XPO5: variants seen among roughly 807,000 people sequenced by gnomAD.
XPO5 encodes the protein exportin 5, also known as exportin-5.
A neutral mutation model predicts 160.6 loss-of-function variants in XPO5; 46 were observed. The observed-to-expected ratio is 0.29, with a 90% CI of 0.23 to 0.37. The LOEUF (loss-of-function observed/expected upper bound fraction) is 0.37, where lower values mean the gene tolerates loss of function less well. Among genes scored for constraint, XPO5 ranks in the 10% least tolerant of loss-of-function variants. XPO5 has a pLI of 1.00. For synonymous variants in XPO5, 537 were observed against 519.3 expected (o/e 1.03, Z -0.46); for missense variants, 1,090 against 1,463.9 (o/e 0.74, Z 4.17).
At chr6:43,571,998 A>C (rs1252236788) in intron 3 of XPO5, among the ~76,000 whole-genome samples, 1 of 152,228 alleles carries the variant, frequency 6.6e-6, no homozygotes, top group African/African-American at 2.4e-5. Context: ...TGTCTTTATA[A>C]TTTAAAAAAT....
intron 20 of XPO5, among the ~76,000 whole-genome samples, chr6:43,536,621 T>C (rs1265344436): frequency 6.6e-6 from 1 of 150,538 alleles, no homozygotes; most frequent in Non-Finnish European, 1.5e-5. Flanking sequence ...TAGCCAGGCA[T>C]GGTGGCACAC....
At chr6:43,529,106 T>C (rs1183952995) in intron 23 of XPO5, 181 bp from the exon 24 acceptor site, 3 of 1,081,630 alleles carry the variant, frequency 2.8e-6, no homozygotes, top group Non-Finnish European at 4.1e-6. Flanking sequence ...GCACTGATAT[T>C]GAATTCCATT....
chr6:43,560,155 A>C (rs571454240), intron 11 of XPO5, 23 bp downstream of exon 11: 18 of 1,607,646 alleles, frequency 1.1e-5, no homozygotes, highest in East Asian at 4.5e-5. Flanking sequence ...TACATTCCAC[A>C]TGTTTAGATT....
intron 20 of XPO5, among the ~76,000 whole-genome samples, chr6:43,545,606 C>T (rs968636244): frequency 3.3e-5 from 5 of 152,032 alleles, no homozygotes; most frequent in Non-Finnish European, 4.4e-5. Context: ...ACTTGGGTGG[C>T]TGAGGCAGAA....
At chr6:43,545,333 T>TCAC (rs1794909949) in intron 20 of XPO5, among the ~76,000 whole-genome samples, 1 of 152,182 alleles carries the variant, frequency 6.6e-6, no homozygotes, top group Admixed American at 6.5e-5. Context: ...ATAATTTGGT[T>TCAC]TGCCCCGTTG....
rs1793260321 is a variant in XPO5, at chr6:43,522,607, C to G, written c.*1261G>C. The stretch of plus-strand genomic sequence containing the variant: ...AGGAAGAGGGAGCAACACAAGACTC[C>G]CAACTTCTGCTTCCCCAGCTTTGCT... On this transcript the variant is annotated 3_prime_UTR_variant, in exon 32 of 32. Transcript: ENST00000265351. 1 of 380,700 alleles carries G rather than the reference C, an allele frequency of 2.6e-6. No individual in the cohort carries two copies. Among genetic ancestry groups the G allele is most frequent in the Non-Finnish European group, 5.8e-6 (1 of 171,924 alleles). 23.6% of individuals were successfully genotyped at this position (380,700 alleles called of 1,614,324 possible). A position where few individuals can be genotyped will look rare whatever the true frequency, so the allele number is the denominator to read the frequency against.
At chr6:43,557,668 C>T (rs1230618174) in intron 12 of XPO5, among the ~76,000 whole-genome samples, 1 of 148,288 alleles carries the variant, frequency 6.7e-6, no homozygotes, top group Non-Finnish European at 1.5e-5. Flanking sequence ...AAAATATAAT[C>T]TAAAATTGAT....
intron 2 of XPO5, 199 bp downstream of exon 2, chr6:43,573,281 A>G (rs561825897): frequency 1.7e-5 from 11 of 654,930 alleles, no homozygotes; most frequent in East Asian, 1.3e-4. Context: ...CACACTTTAC[A>G]TGGATGAAGA....
chr6:43,558,601 G>C lies in XPO5; in HGVS notation c.1222-10C>G, dbSNP rs1469278773. ...TAGAAGGAAAGCCCATCTGGAAAAA[G>C]AAAGGTAATTGGGGTAGGGGATGAA... is the stretch of plus-strand genomic sequence containing the variant. On this transcript the variant is annotated splice_polypyrimidine_tract_variant and intron_variant, in intron 11 of 31. Transcript: ENST00000265351. 1 of 1,570,560 alleles carries C rather than the reference G, an allele frequency of 6.4e-7. No individual in the cohort carries two copies. Among genetic ancestry groups the C allele is most frequent in the Non-Finnish European group, 8.6e-7 (1 of 1,159,878 alleles).
At chr6:43,553,985 A>G (rs1479469795) in intron 13 of XPO5, among the ~76,000 whole-genome samples, 1 of 152,224 alleles carries the variant, frequency 6.6e-6, no homozygotes, top group East Asian at 1.9e-4. Context: ...TTCACATCCA[A>G]TAGCCTCATG....
Position 43,565,608 on chromosome 6 carries a change from T to C in XPO5, c.911+52A>G, listed in dbSNP as rs1444470290. 10 of 1,404,240 alleles carry C rather than the reference T, an allele frequency of 7.1e-6. No homozygotes were observed. In the African/African-American group the frequency reaches 7.5e-5, roughly 11 times the overall value. 87.0% of individuals were successfully genotyped at this position (1,404,240 alleles called of 1,614,324 possible). On this transcript the variant is annotated intron_variant, in intron 8 of 31. Transcript: ENST00000265351. The stretch of plus-strand genomic sequence containing the variant: ...GAACTTCAGATAAATCCAAATAAGA[T>C]AGAAAAATGACAAAGAAATTAGAAA...
chr6:43,531,755 C>T (rs1255933329), intron 21 of XPO5, among the ~76,000 whole-genome samples, 180 bp from the exon 22 acceptor site: 4 of 151,974 alleles, frequency 2.6e-5, no homozygotes, highest in Non-Finnish European at 5.9e-5. Flanking sequence ...GTGAAAGCTA[C>T]TTAAGGACCC....
chr6:43,531,054 C>T (rs1346651596), intron 22 of XPO5, among the ~76,000 whole-genome samples: 1 of 152,208 alleles, frequency 6.6e-6, no homozygotes, highest in Admixed American at 6.5e-5. Flanking sequence ...AATGGACGAT[C>T]TCATTAGCTT....
chr6:43,560,785 A>C, intron 10 of XPO5, 139 bp downstream of exon 10: 2 of 720,950 alleles, frequency 2.8e-6, no homozygotes, highest in Non-Finnish European at 4.8e-6. Flanking sequence ...TAATTCTCTT[A>C]ATGAAATGAC....
intron 20 of XPO5, among the ~76,000 whole-genome samples, chr6:43,544,892 G>A (rs1794888916): frequency 6.6e-6 from 1 of 151,098 alleles, no homozygotes; most frequent in Admixed American, 6.6e-5. Context: ...TTTATTTTGA[G>A]ATGGAAGTCT....
At chr6:43,536,827 T>A (rs1398556265) in intron 20 of XPO5, among the ~76,000 whole-genome samples, 4 of 137,372 alleles carry the variant, frequency 2.9e-5, no homozygotes, top group African/African-American at 1.1e-4. Flanking sequence ...CACCTGAAAA[T>A]TTTTTCTGTG....
At chr6:43,573,921 T>G (rs1329059854) in intron 1 of XPO5, among the ~76,000 whole-genome samples, 2 of 150,788 alleles carry the variant, frequency 1.3e-5, no homozygotes, top group Non-Finnish European at 3.0e-5. Context: ...CTTCCCAGGT[T>G]CAAGCAGTTC....
chr6:43,547,848 A>C (rs1284575647), intron 18 of XPO5, 141 bp from the exon 19 acceptor site: 3 of 633,816 alleles, frequency 4.7e-6, no homozygotes, highest in South Asian at 4.3e-5. Context: ...ACTAATTGTC[A>C]GTTGTCATTT....
chr6:43,570,306 C>G (rs1209235594), intron 5 of XPO5, among the ~76,000 whole-genome samples, 196 bp downstream of exon 5: 1 of 114,268 alleles, frequency 8.8e-6, no homozygotes, highest in Non-Finnish European at 1.7e-5. Context: ...AGCGAGCCTC[C>G]GTCTCAAAAA....
Sources: gnomAD v4.1 joint callset for allele counts (sites outside exome capture counted in the v4.1 genomes callset) on GRCh38, gnomAD v4.1.1 for gene constraint, MANE v1.5 for transcripts, NCBI Gene and HGNC (gene_info 2026-07-23, HGNC 2026-07-21) for gene names.